The following GRM7 variants were observed in gnomAD, a reference collection of about 807,000 sequenced individuals.
GRM7 encodes the protein metabotropic glutamate receptor 7.
A neutral mutation model predicts 84.5 loss-of-function variants in GRM7; 35 were observed. The observed-to-expected ratio is 0.41, with a 90% CI of 0.32 to 0.55. GRM7 has a LOEUF of 0.55. GRM7 is among the 20% of genes least tolerant of loss of function. The pLI, the probability that GRM7 is intolerant of heterozygous loss-of-function variation, is 0.19. For missense variants in GRM7, 1,003 were observed against 1,194.6 expected (o/e 0.84, Z 2.36); for synonymous variants, 487 against 455.1 (o/e 1.07, Z -0.89).
At chr3:7,099,375 CAT>C (rs1213331752) in intron 1 of GRM7, among the ~76,000 whole-genome samples, 2 of 146,130 alleles carry the variant, frequency 1.4e-5, no homozygotes, top group East Asian at 2.0e-4. Context: ...TACATATATA[CAT>C]ATATAATATA....
At chr3:6,883,776 C>A (rs916031769) in intron 1 of GRM7, among the ~76,000 whole-genome samples, 6 of 152,190 alleles carry the variant, frequency 3.9e-5, no homozygotes, top group African/African-American at 7.2e-5. Context: ...TCCAAAACAG[C>A]AAGGACTTGA....
At chr3:7,557,882 C>A (rs920347619) in intron 7 of GRM7, among the ~76,000 whole-genome samples, 3 of 152,044 alleles carry the variant, frequency 2.0e-5, no homozygotes, top group Non-Finnish European at 4.4e-5. Context: ...TGGGGAGTGA[C>A]CCTCAGAAAT....
intron 8 of GRM7, among the ~76,000 whole-genome samples, chr3:7,618,790 G>C (rs923366282): frequency 2.0e-5 from 3 of 152,076 alleles, no homozygotes; most frequent in African/African-American, 7.2e-5. Context: ...AATTACAGTG[G>C]GCTGGAGGTG....
chr3:7,068,930 T>C (rs1697765401), intron 1 of GRM7, among the ~76,000 whole-genome samples: 1 of 151,924 alleles, frequency 6.6e-6, no homozygotes, highest in Non-Finnish European at 1.5e-5. Context: ...AACTATTTCT[T>C]TACTTTTAGT....
At chr3:6,889,675 A>G (rs1695853470) in intron 1 of GRM7, among the ~76,000 whole-genome samples, 1 of 152,106 alleles carries the variant, frequency 6.6e-6, no homozygotes, top group African/African-American at 2.4e-5. Flanking sequence ...TTCATCAAGG[A>G]TATTGGTCTA....
intron 2 of GRM7, among the ~76,000 whole-genome samples, chr3:7,255,726 A>T (rs1298410244): frequency 6.6e-6 from 1 of 152,194 alleles, no homozygotes; most frequent in Non-Finnish European, 1.5e-5. Context: ...TTTGAAGACA[A>T]TGTTGATGAG....
intron 7 of GRM7, among the ~76,000 whole-genome samples, chr3:7,525,582 G>T (rs1164930297): frequency 6.6e-6 from 1 of 152,038 alleles, no homozygotes; most frequent in African/African-American, 2.4e-5. Context: ...TATTTAGGGG[G>T]TACATGTGAA....
chr3:6,877,218 C>G (rs774602145), intron 1 of GRM7, among the ~76,000 whole-genome samples: 5 of 152,196 alleles, frequency 3.3e-5, no homozygotes, highest in Non-Finnish European at 5.9e-5. Flanking sequence ...GCAGAGAAGT[C>G]TGGTACTGGT....
At chr3:7,565,913 T>C (rs763164858) in intron 7 of GRM7, among the ~76,000 whole-genome samples, 1 of 152,198 alleles carries the variant, frequency 6.6e-6, no homozygotes, top group Non-Finnish European at 1.5e-5. Context: ...GTACTGCACA[T>C]ATAGCTTTTT....
At chr3:7,145,846 G>A (rs1477140355) in intron 1 of GRM7, among the ~76,000 whole-genome samples, 1 of 152,168 alleles carries the variant, frequency 6.6e-6, no homozygotes, top group Non-Finnish European at 1.5e-5. Context: ...GCCTGTCAAT[G>A]TGCAAAGACC....
In GRM7 at chr3:7,686,136, C is replaced by T. The variant is rs189848179; in HGVS notation, c.2698+5841C>T. ...GCTGTTCTAACTCAAGCAAGTAAAA[C>T]CCAACTCCCTTAACTCAAGAGGCAC... On this transcript the variant is annotated intron_variant, in intron 9 of 9. Coordinates refer to ENST00000357716, the MANE Select transcript of GRM7 (RefSeq NM_000844.4). 6.4e-4 allele frequency among the ~76,000 whole-genome samples: 98 copies of T among 152,212 alleles called. 1 individual carries two copies. The Middle Eastern group carries it at 0.021, about 32-fold the overall frequency.
chr3:6,973,931 G>A (rs1328925325), intron 1 of GRM7, among the ~76,000 whole-genome samples: 1 of 152,124 alleles, frequency 6.6e-6, no homozygotes, highest in Non-Finnish European at 1.5e-5. Context: ...TGATAGGCTG[G>A]TGTGTTAAGA....
At chr3:7,167,572 C>G (rs1469212671) in intron 2 of GRM7, among the ~76,000 whole-genome samples, 2 of 152,148 alleles carry the variant, frequency 1.3e-5, no homozygotes, top group Non-Finnish European at 2.9e-5. Context: ...AATCAAAATA[C>G]ATCAGATCCT....
intron 2 of GRM7, among the ~76,000 whole-genome samples, chr3:7,262,834 A>G (rs1698483778): frequency 6.6e-6 from 1 of 152,214 alleles, no homozygotes; most frequent in Non-Finnish European, 1.5e-5. Flanking sequence ...AGTAGCTGGG[A>G]CTACAGGCAT....
intron 6 of GRM7, among the ~76,000 whole-genome samples, chr3:7,456,048 T>C (rs564264826): frequency 2.0e-5 from 3 of 152,122 alleles, no homozygotes; most frequent in Non-Finnish European, 4.4e-5. Flanking sequence ...TATTTTTTTC[T>C]TGATGTTGCA....
intron 1 of GRM7, among the ~76,000 whole-genome samples, chr3:7,037,874 T>A (rs935440436): frequency 6.6e-6 from 1 of 152,178 alleles, no homozygotes; most frequent in African/African-American, 2.4e-5. Context: ...GATTTCCAAG[T>A]CCCTAGTTAT....
intron 4 of GRM7, among the ~76,000 whole-genome samples, chr3:7,377,404 T>C (rs1413816910): frequency 2.0e-5 from 3 of 152,174 alleles, no homozygotes; most frequent in Non-Finnish European, 2.9e-5. Context: ...TTTTGTAAAA[T>C]GTTAGAATTA....
At chr3:7,015,926 C>G (rs1185880240) in intron 1 of GRM7, among the ~76,000 whole-genome samples, 2 of 152,128 alleles carry the variant, frequency 1.3e-5, no homozygotes, top group Admixed American at 6.5e-5. Flanking sequence ...TAATTCCAGC[C>G]CACACTCAAT....
At chr3:7,342,040 G>A (rs1692663057) in intron 4 of GRM7, among the ~76,000 whole-genome samples, 1 of 152,102 alleles carries the variant, frequency 6.6e-6, no homozygotes, top group South Asian at 2.1e-4. Context: ...ATATTCACGA[G>A]TATAGGATGT....
Sources: gnomAD v4.1 joint callset for allele counts (sites outside exome capture counted in the v4.1 genomes callset) on GRCh38, gnomAD v4.1.1 for gene constraint, MANE v1.5 for transcripts, NCBI Gene and HGNC (gene_info 2026-07-23, HGNC 2026-07-21) for gene names.